WASHC4: variants seen among roughly 807,000 people sequenced by gnomAD.
WASHC4 encodes WASH complex subunit 7.
WASHC4 carries 86 observed loss-of-function variants against 166.6 expected under a neutral mutation model. That is an observed-to-expected ratio of 0.52 (90% CI 0.43 to 0.62). The LOEUF is 0.62. Among genes scored for constraint, WASHC4 ranks in the 20% least tolerant of loss-of-function variants. WASHC4 has a pLI of 0.00. For synonymous variants in WASHC4, 446 were observed against 451.6 expected, an observed-to-expected ratio of 0.99 and a Z score of 0.16; for missense variants, 1,262 against 1,382.4, an observed-to-expected ratio of 0.91 and a Z score of 1.38.
intron 32 of WASHC4, among the ~76,000 whole-genome samples, chr12:105,165,833 C>G (rs1234598394): frequency 6.6e-6 from 1 of 152,018 alleles, no homozygotes; most frequent in Non-Finnish European, 1.5e-5. Context: ...ATTGTTTCAG[C>G]TTATTAATCT....
chr12:105,155,716 CA>C (rs11341381), intron 26 of WASHC4, among the ~76,000 whole-genome samples: 152,270 of 152,270 alleles, frequency 1, 76,135 homozygotes, highest in Non-Finnish European at 1. Context: ...TGGCGGACGC[CA>C]TGTGATCACA....
chr12:105,124,560 A>C (rs956545272), intron 10 of WASHC4, among the ~76,000 whole-genome samples: 1 of 151,804 alleles, frequency 6.6e-6, no homozygotes, highest in Admixed American at 6.6e-5. Flanking sequence ...TGCTCACTGC[A>C]ACCTCCGCCT....
chr12:105,137,025 T>C (rs1424244253), intron 14 of WASHC4, among the ~76,000 whole-genome samples: 4 of 152,168 alleles, frequency 2.6e-5, no homozygotes, highest in Non-Finnish European at 5.9e-5. Context: ...CCATAATGTA[T>C]CTACAATAAC....
chr12:105,150,535 G>T (rs1883664853), intron 25 of WASHC4, among the ~76,000 whole-genome samples: 1 of 152,176 alleles, frequency 6.6e-6, no homozygotes, highest in Non-Finnish European at 1.5e-5. Flanking sequence ...CTGTAATCCA[G>T]CACTTTGAGA....
intron 26 of WASHC4, among the ~76,000 whole-genome samples, chr12:105,153,372 TA>T (rs1175602579): frequency 2.0e-5 from 3 of 152,160 alleles, no homozygotes; most frequent in Non-Finnish European, 4.4e-5. Flanking sequence ...CATTCTGGAG[TA>T]AAGTTTTTTC....
intron 8 of WASHC4, 108 bp downstream of exon 8, chr12:105,120,705 CGT>C (rs71986370): frequency 0.033 from 20,033 of 607,300 alleles, 19 homozygotes; most frequent in East Asian, 0.036. Flanking sequence ...CTTAAAGAGG[CGT>C]GTGTGTGTGT....
At chr12:105,109,294 TTA>T (rs1423602440) in intron 1 of WASHC4, among the ~76,000 whole-genome samples, 2 of 151,898 alleles carry the variant, frequency 1.3e-5, no homozygotes, top group African/African-American at 4.8e-5. Context: ...TGGAATAGAG[TTA>T]TGTTAATTGA....
In WASHC4 at chr12:105,144,889, T is replaced by G. The variant is rs780239576; in HGVS notation, c.2334+17T>G. 1 of 1,611,408 alleles carries G rather than the reference T, an allele frequency of 6.2e-7. No homozygotes were observed. Among genetic ancestry groups the G allele is most frequent in the Non-Finnish European group, 8.5e-7 (1 of 1,178,124 alleles). ...TTGGAACAGGTATAGTATAAAATGT[T>G]TTTTTTAGCATACTGTGACTGTTGG... On this transcript the variant is annotated intron_variant, in intron 22 of 32. Coordinates refer to ENST00000332180, the MANE Select transcript of WASHC4 (RefSeq NM_015275.3).
At position 105,163,775 on chromosome 12, in the gene WASHC4, AT is replaced by A. The variant is rs1039376750; in HGVS notation, c.3158-334del. On this transcript the variant is annotated intron_variant, in intron 30 of 32. Transcript: ENST00000332180. ...TCCTCTAGCCTCAGCCTCCCAAAGT[AT>A]TGGGATTATAGGTACAAGTCATGGA... 9.3e-4 allele frequency among the ~76,000 whole-genome samples: 142 copies of A among 152,212 alleles called. 1 individual carries two copies. Among genetic ancestry groups the A allele is most frequent in the African/African-American group, 3.2e-3 (132 of 41,530 alleles).
chr12:105,110,341 A>G (rs1438822490), intron 1 of WASHC4, among the ~76,000 whole-genome samples: 2 of 152,204 alleles, frequency 1.3e-5, no homozygotes, highest in Admixed American at 1.3e-4. Context: ...TCATATCAAT[A>G]AAAGAAACTG....
intron 2 of WASHC4, among the ~76,000 whole-genome samples, chr12:105,112,152 G>A (rs1197530829): frequency 2.0e-5 from 3 of 152,126 alleles, no homozygotes; most frequent in Admixed American, 6.6e-5. Context: ...GAAATCATAC[G>A]ATATGTGCTC....
chr12:105,156,793 G>A lies in WASHC4; in HGVS notation c.2825+1G>A. On this transcript the variant is annotated splice_donor_variant, in intron 27 of 32. Coordinates refer to ENST00000332180, the MANE Select transcript of WASHC4 (RefSeq NM_015275.3). LOFTEE classifies it high-confidence loss of function. Reference sequence around the variant, plus strand: ...TTCATTGTAGCAGCAATGCCATTAGGTATGGATGCAAACATCATTTTTGCC... The same window carrying A: ...TTCATTGTAGCAGCAATGCCATTAGATATGGATGCAAACATCATTTTTGCC... The A allele has an allele frequency of 6.2e-7, 1 of 1,609,752 alleles. No individual in the cohort carries two copies.
intron 28 of WASHC4, 112 bp from the exon 29 acceptor site, chr12:105,159,889 C>T (rs751927708): frequency 8.3e-6 from 8 of 962,448 alleles, no homozygotes; most frequent in African/African-American, 1.6e-5. Flanking sequence ...TTAGAAGTGT[C>T]TTACAGTGTT....
chr12:105,140,829 C>T (rs1592889896), intron 16 of WASHC4, 70 bp from the exon 17 acceptor site: 4 of 1,138,604 alleles, frequency 3.5e-6, no homozygotes, highest in Non-Finnish European at 4.8e-6. Flanking sequence ...AAAAGATAAT[C>T]AAGAAGTTTT....
chr12:105,139,425 G>GTATA lies in WASHC4; in HGVS notation c.1453-839_1453-836dup, dbSNP rs71069791. ...AGACAGACTATATATATGTGTGTGTGTATATATATATATATATATATATAT... is the reference window on the plus strand; with the variant it reads ...AGACAGACTATATATATGTGTGTGTGTATATATATATATATATATATATATATAT... On this transcript the variant is annotated intron_variant, in intron 15 of 32. Transcript: ENST00000332180. Among the ~76,000 whole-genome samples, 989 of 103,148 alleles carry GTATA rather than the reference G, an allele frequency of 9.6e-3. 21 individuals are homozygous for GTATA. The highest frequency in any genetic ancestry group is 0.019 in the Middle Eastern group (3 of 154). 67.7% of individuals were successfully genotyped at this position (103,148 alleles called of 152,430 possible). A position where few individuals can be genotyped will look rare whatever the true frequency, so the allele number is the denominator to read the frequency against.
At position 105,114,258 on chromosome 12, in the gene WASHC4, A is replaced by G; in HGVS notation, c.244A>G (p.Thr82Ala). Residue 82 changes from threonine (T) to alanine (A), a missense_variant, in exon 3 of 33, where the codon ACT becomes GCT. Thr to Ala is a moderately conservative substitution (Grantham distance 58, BLOSUM62 0). Coordinates refer to ENST00000332180, the MANE Select transcript of WASHC4 (RefSeq NM_015275.3). ...EQSSLLELIK[T>A]ENKVLNKVIT... ...GTCCTCTCTTTTGGAACTCATAAAG[A>G]CTGAAAACAAGGTACAGAATCCTAA... is the stretch of plus-strand genomic sequence containing the variant. The G allele has an allele frequency of 6.2e-7, 1 of 1,610,208 alleles. No homozygotes were observed. Among genetic ancestry groups the G allele is most frequent in the South Asian group, 1.1e-5 (1 of 90,786 alleles).
chr12:105,121,674 A>G (rs1395863375), intron 9 of WASHC4, among the ~76,000 whole-genome samples: 2 of 151,952 alleles, frequency 1.3e-5, no homozygotes, highest in Non-Finnish European at 2.9e-5. Context: ...TGCCCAGCTA[A>G]CTTTTGTATT....
chr12:105,127,984 G>C (rs919608279), intron 13 of WASHC4, among the ~76,000 whole-genome samples: 6 of 152,140 alleles, frequency 3.9e-5, no homozygotes, highest in Non-Finnish European at 7.3e-5. Flanking sequence ...TCTTTCTTGA[G>C]TACATGGCTA....
intron 32 of WASHC4, among the ~76,000 whole-genome samples, chr12:105,166,140 C>A (rs1884793118): frequency 6.6e-6 from 1 of 152,160 alleles, no homozygotes; most frequent in Middle Eastern, 3.2e-3. Flanking sequence ...TTGGCCTATT[C>A]CTCTTAAGGA....
Sources: allele counts gnomAD v4.1 joint callset (sites outside exome capture counted in the v4.1 genomes callset), GRCh38; gene constraint gnomAD v4.1.1; transcripts MANE v1.5; gene names NCBI Gene and HGNC (gene_info 2026-07-23, HGNC 2026-07-21).